Variants in PFAS observed in about 807,000 individuals in gnomAD.
PFAS encodes FGAM synthase.
In PFAS, 97 loss-of-function variants were observed where a neutral mutation model predicts 140.6. That is an observed-to-expected ratio of 0.69 (90% CI 0.59 to 0.82). The LOEUF (loss-of-function observed/expected upper bound fraction) is 0.82. Ranked by LOEUF, PFAS falls within the 40% of genes least tolerant of loss-of-function variation. PFAS has a pLI of 0.00. For missense variants in PFAS, 1,656 were observed against 1,780.2 expected (o/e 0.93, Z 1.26); for synonymous variants, 679 against 718.8 (o/e 0.94, Z 0.88).
Position 8,254,006 on chromosome 17 carries a change from G to T in PFAS, c.69G>T (p.Arg23=), listed in dbSNP as rs2151576285. The T allele has an allele frequency of 6.2e-7, 1 of 1,614,144 alleles. No homozygotes were observed. The highest frequency in any genetic ancestry group is 2.2e-5 in the East Asian group (1 of 44,890). ...AGGGGGCAGCCCCTGGACACACTCG[G>T]AGGAAACTGCAAGGGAAACTGCCAG... The part of the protein sequence containing the change: ...GHEGAAPGHT[R]RKLQGKLPEL... The change falls in exon 2 of 28, where the codon CGG becomes CGT. Residue 23 remains arginine, a synonymous_variant. Transcript: ENST00000314666.
intron 15 of PFAS, 136 bp from the exon 16 acceptor site, chr17:8,264,076 A>T: frequency 6.9e-7 from 1 of 1,457,274 alleles, no homozygotes; most frequent in Non-Finnish European, 9.6e-7. Context: ...GGAATGTTGG[A>T]TCCAAGGAGG....
rs1479967349 is a variant in PFAS at position 8,264,280 on chromosome 17, C to T, written c.1860C>T (p.Pro620=). 1 of 1,613,996 alleles carries T rather than the reference C, an allele frequency of 6.2e-7. No homozygotes were observed. Among genetic ancestry groups the T allele is most frequent in the African/African-American group, 1.3e-5 (1 of 75,006 alleles). ...RNGQGDAPPT[P]LPTPVDLELE... is the part of the protein sequence containing the mutation. ...GCCAGGGGGATGCCCCCCCGACACC[C>T]CTGCCAACCCCTGTGGACCTGGAGC... The change falls in exon 16 of 28, where the codon CCC becomes CCT. Residue 620 remains proline (P), a synonymous_variant. Coordinates refer to ENST00000314666, the MANE Select transcript of PFAS (RefSeq NM_012393.3).
At chr17:8,247,661 C>G (rs1238228083), upstream of PFAS, 1 of 240,330 alleles carries the variant, frequency 4.2e-6, no homozygotes, top group Non-Finnish European at 8.3e-6. Context: ...GACGCTTTTA[C>G]TTATTATGGT....
In PFAS at chr17:8,258,105, C is replaced by A. The variant is rs745681502; in HGVS notation, c.1242C>A (p.Asp414Glu). 6.2e-7 allele frequency: 1 copy of A among 1,614,090 alleles called. No homozygotes were observed. The highest frequency in any genetic ancestry group is 1.7e-5 in the Admixed American group (1 of 60,022). ...GCTCCTTGGGCCTCCAGCTCCCAGA[C>A]GGCCAGCGGCGTGAGTGGATCAAGC... The part of the protein sequence containing the change: ...FARSLGLQLP[D>E]GQRREWIKPI... Residue 414 changes from aspartate (D) to glutamate (E), a missense_variant, in exon 11 of 28, where the codon GAC becomes GAA. Transcript: ENST00000314666.
chr17:8,266,670 G>T lies in PFAS; in HGVS notation c.2822-83G>T. The T allele has an allele frequency of 6.5e-7, 1 of 1,532,302 alleles. No individual in the cohort carries two copies. The allele number at this position is 1,532,302 out of a possible 1,614,324, so 94.9% of individuals were successfully genotyped here. On this transcript the variant is annotated intron_variant, in intron 22 of 27. Coordinates refer to ENST00000314666, the MANE Select transcript of PFAS (RefSeq NM_012393.3). The surrounding 1 kb of genome is among the most constrained non-coding windows in gnomAD (Gnocchi z 5.0). Reference sequence around the variant, plus strand: ...GCTGCATCCCTCTGACCCTCACCCTGGCCCTTCCTGCATTTCCCTGATCCC... The same window carrying T: ...GCTGCATCCCTCTGACCCTCACCCTTGCCCTTCCTGCATTTCCCTGATCCC...
chr17:8,261,593 C>T (rs1294532893), intron 11 of PFAS, among the ~76,000 whole-genome samples: 1 of 151,560 alleles, frequency 6.6e-6, no homozygotes, highest in Non-Finnish European at 1.5e-5. Flanking sequence ...AGAGAAACAT[C>T]TATTCAGATC....
Position 8,267,904 on chromosome 17 carries a change from TTA to T in PFAS, c.3382+247_3382+248del, listed in dbSNP as rs985289924. 2.6e-4 allele frequency among the ~76,000 whole-genome samples: 28 copies of T among 105,910 alleles called. 2 individuals are homozygous for T. Among genetic ancestry groups the T allele is most frequent in the Middle Eastern group, 0.01 (2 of 198 alleles). The allele number at this position is 105,910 out of a possible 152,430, so 69.5% of individuals were successfully genotyped here. A position where few individuals can be genotyped will look rare whatever the true frequency, so the allele number is the denominator to read the frequency against. On this transcript the variant is annotated intron_variant, in intron 26 of 27. Coordinates refer to ENST00000314666, the MANE Select transcript of PFAS (RefSeq NM_012393.3). The surrounding 1 kb of genome is among the most constrained non-coding windows in gnomAD (Gnocchi z 4.9). ...ATATATATTATTAAATATATATTAT[TTA>T]TATATATTATTTATATATTATTAAA...
chr17:8,264,767 A>G (rs1345731090), intron 17 of PFAS, 128 bp from the exon 18 acceptor site: 2 of 987,580 alleles, frequency 2.0e-6, no homozygotes, highest in East Asian at 5.0e-5. Context: ...CCCACCTTCT[A>G]AGTAGAGCTG....
intron 26 of PFAS, 59 bp from the exon 27 acceptor site, chr17:8,268,474 C>T: frequency 7.8e-7 from 1 of 1,276,156 alleles, no homozygotes; most frequent in South Asian, 1.3e-5. Context: ...CCCCTTCATT[C>T]CCAATTCCCT....
rs1474879206 is a variant in PFAS, at chr17:8,266,780, C to T, written c.2849C>T (p.Pro950Leu). The T allele has an allele frequency of 6.8e-6, 11 of 1,611,314 alleles. No homozygotes were observed. Among genetic ancestry groups the T allele is most frequent in the Non-Finnish European group, 9.3e-6 (11 of 1,179,032 alleles). Residue 950 changes from proline to leucine, a missense_variant, in exon 23 of 28, where the codon CCA (proline) becomes CTA (leucine). Coordinates refer to ENST00000314666, the MANE Select transcript of PFAS (RefSeq NM_012393.3). The surrounding 1 kb of genome is among the most constrained non-coding windows in gnomAD (Gnocchi z 5.0). ...DVLSVLFAEEPGLVLEVQEPD... is the reference protein window; with the variant it reads ...DVLSVLFAEELGLVLEVQEPD... ...CTGTCTGTGCTGTTCGCTGAGGAGCCAGGCCTCGTGCTGGAGGTGCAGGAG... is the reference window on the plus strand; with the variant it reads ...CTGTCTGTGCTGTTCGCTGAGGAGCTAGGCCTCGTGCTGGAGGTGCAGGAG...
At position 8,266,205 on chromosome 17, in the gene PFAS, G is replaced by C; in HGVS notation, c.2702-29G>C. 1 of 1,612,960 alleles carries C rather than the reference G, an allele frequency of 6.2e-7. No individual in the cohort carries two copies. Among genetic ancestry groups the C allele is most frequent in the African/African-American group, 1.3e-5 (1 of 75,012 alleles). Reference sequence around the variant, plus strand: ...GGGGCTGTCAGGTTTGGGTCCCGAGGTTGCTGAGCTTTCTTCTCCTTCCTC... The same window carrying C: ...GGGGCTGTCAGGTTTGGGTCCCGAGCTTGCTGAGCTTTCTTCTCCTTCCTC... On this transcript the variant is annotated intron_variant, in intron 21 of 27. Transcript: ENST00000314666. The surrounding 1 kb of genome is among the most constrained non-coding windows in gnomAD (Gnocchi z 5.0).
rs377447816 is a variant in PFAS, at chr17:8,255,043, C to G, written c.295C>G (p.Pro99Ala). 5 of 1,613,730 alleles carry G rather than the reference C, an allele frequency of 3.1e-6. No individual in the cohort carries two copies. The highest frequency in any genetic ancestry group is 4.2e-6 in the Non-Finnish European group (5 of 1,179,828). ...ATTGTTCAGGCTGAACTTCTCCACC[C>G]CAACATCCACCAACATCGTGTCAGT... ...EVGPRLNFST[P>A]TSTNIVSVCR... is the part of the protein sequence containing the mutation. Residue 99 changes from proline (P) to alanine (A), a missense_variant, in exon 4 of 28, where the codon CCA (proline) becomes GCA (alanine). Coordinates refer to ENST00000314666, the MANE Select transcript of PFAS (RefSeq NM_012393.3).
intron 6 of PFAS, 71 bp downstream of exon 6, chr17:8,255,981 C>T (rs1989346896): frequency 8.3e-7 from 1 of 1,200,868 alleles, no homozygotes; most frequent in Admixed American, 1.8e-5. Flanking sequence ...GGCTCACCTT[C>T]ATGTTCCTCC....
intron 1 of PFAS, among the ~76,000 whole-genome samples, chr17:8,250,064 T>A (rs2151570518): frequency 6.6e-6 from 1 of 152,058 alleles, no homozygotes; most frequent in East Asian, 1.9e-4. Context: ...GAAATCTAAA[T>A]AACAAGAGCT....
intron 26 of PFAS, among the ~76,000 whole-genome samples, chr17:8,268,124 C>T (rs1989905731): frequency 6.9e-6 from 1 of 145,338 alleles, no homozygotes; most frequent in Non-Finnish European, 1.5e-5. Context: ...TGCAATGGCG[C>T]AATCTTGGCT....
In PFAS at chr17:8,262,988, G is replaced by T; in HGVS notation, c.1405G>T (p.Val469Leu). The change falls in exon 12 of 28, where the codon GTG becomes TTG. Residue 469 changes from valine to leucine, a missense_variant. Physicochemically the swap from Val to Leu is conservative, Grantham distance 32. This residue lies in a region of PFAS where 773 missense variants were observed against 757.3 expected (regional missense o/e 1.02). Transcript: ENST00000314666. The stretch of plus-strand genomic sequence containing the variant: ...AGTTGGAGGTGGAGCTGCTTCATCT[G>T]TGCAGGTGAGTGGGAATTGCTAAAG... The part of the protein sequence containing the change: ...IGVGGGAASS[V>L]QVQGDNTSDL... 6.2e-7 allele frequency: 1 copy of T among 1,613,798 alleles called. No individual in the cohort carries two copies. The highest frequency in any genetic ancestry group is 8.5e-7 in the Non-Finnish European group (1 of 1,179,684).
Position 8,256,659 on chromosome 17 carries a change from T to G in PFAS, c.946+11T>G, listed in dbSNP as rs748883873. 3 of 1,613,776 alleles carry G rather than the reference T, an allele frequency of 1.9e-6. No homozygotes were observed. The highest frequency in any genetic ancestry group is 2.5e-6 in the Non-Finnish European group (3 of 1,179,876). On this transcript the variant is annotated intron_variant, in intron 8 of 27. Coordinates refer to ENST00000314666, the MANE Select transcript of PFAS (RefSeq NM_012393.3). ...ACAACTTTCCCACAGGTGAGCTGGG[T>G]TCCCTGGAGAAATAGGTGAGATCAC...
At chr17:8,254,985 G>GC in intron 3 of PFAS, 42 bp from the exon 4 acceptor site, 1 of 1,445,396 alleles carries the variant, frequency 6.9e-7, no homozygotes, top group Middle Eastern at 1.7e-4. Flanking sequence ...GCTGAGGCCT[G>GC]CCGGGGGTTC....
intron 11 of PFAS, among the ~76,000 whole-genome samples, chr17:8,261,358 T>A (rs1209269559): frequency 6.6e-6 from 1 of 151,660 alleles, no homozygotes; most frequent in African/African-American, 2.4e-5. Flanking sequence ...TGCCTCAGCC[T>A]CCCAAATAGC....
Sources: gnomAD v4.1 joint callset for allele counts (sites outside exome capture counted in the v4.1 genomes callset) on GRCh38, gnomAD v4.1.1 for gene constraint, gnomAD v4.1.1 regional missense constraint, Gnocchi (gnomAD v3.1) non-coding constraint, MANE v1.5 for transcripts, NCBI Gene and HGNC (gene_info 2026-07-23, HGNC 2026-07-21) for gene names.